CLSPN: variants seen among roughly 807,000 people sequenced by gnomAD.
CLSPN encodes claspin homolog.
CLSPN carries 85 observed loss-of-function variants against 156.3 expected under a neutral mutation model. The observed-to-expected ratio is 0.54, with a 90% CI of 0.46 to 0.65. CLSPN has a LOEUF of 0.65. Among genes scored for constraint, CLSPN ranks in the 30% least tolerant of loss-of-function variants. CLSPN has a pLI of 0.00. For missense variants in CLSPN, 1,407 were observed against 1,554.9 expected, an observed-to-expected ratio of 0.90 and a Z score of 1.60; for synonymous variants, 534 against 542.4, an observed-to-expected ratio of 0.98 and a Z score of 0.22.
At chr1:35,748,641 C>A (rs910819247) in intron 12 of CLSPN, 37 bp from the exon 13 acceptor site, 3 of 1,549,670 alleles carry the variant, frequency 1.9e-6, no homozygotes, top group Middle Eastern at 1.7e-4. Context: ...CACATGATTA[C>A]AGAAATAAGG....
chr1:35,738,795 G>A (rs1294910465), intron 20 of CLSPN, among the ~76,000 whole-genome samples: 4 of 130,056 alleles, frequency 3.1e-5, no homozygotes, highest in Admixed American at 1.9e-4. Context: ...CATTGTAACT[G>A]TTTGCTTTTT....
At chr1:35,753,971 C>A in intron 8 of CLSPN, 35 bp from the exon 9 acceptor site, 1 of 1,601,614 alleles carries the variant, frequency 6.2e-7, no homozygotes, top group Non-Finnish European at 8.5e-7. Flanking sequence ...GTCAGTTTGC[C>A]ATGCTCAAAA....
rs1408088206 is a variant in CLSPN at position 35,749,890 on chromosome 1, T to C, written c.2029-79A>G. 6.1e-6 allele frequency: 9 copies of C among 1,468,234 alleles called. No homozygotes were observed. In the Admixed American group the frequency reaches 6.9e-5, roughly 11 times the overall value. 91.0% of individuals were successfully genotyped at this position (1,468,234 alleles called of 1,614,324 possible). A position where few individuals can be genotyped will look rare whatever the true frequency, so the allele number is the denominator to read the frequency against. ...GCAAATACACTGGTAGCCTGAAATA[T>C]GGCTGATTGGTTACAGATCACATCT... On this transcript the variant is annotated intron_variant, in intron 10 of 24. Transcript: ENST00000318121.
chr1:35,728,096 T>C (rs1161887434), downstream of CLSPN, among the ~76,000 whole-genome samples: 1 of 150,534 alleles, frequency 6.6e-6, no homozygotes, highest in African/African-American at 2.4e-5. Context: ...TTTTTTTTTT[T>C]TTCTTTTGAG....
intron 8 of CLSPN, among the ~76,000 whole-genome samples, chr1:35,760,097 G>A (rs1642421914): frequency 6.6e-6 from 1 of 152,148 alleles, no homozygotes; most frequent in Non-Finnish European, 1.5e-5. Flanking sequence ...CTCCCAAAGT[G>A]CTGGGATTAC....
chr1:35,734,338 T>C lies in CLSPN; in HGVS notation c.*2158A>G. On this transcript the variant is annotated 3_prime_UTR_variant, in exon 25 of 25. Transcript: ENST00000318121. ...ATTTTCCCCATTATAAGATTACAAG[T>C]ATACAAACATAAGTATTGTCAAAGT... 1 of 985,268 alleles carries C rather than the reference T, an allele frequency of 1.0e-6. No homozygotes were observed. Among genetic ancestry groups the C allele is most frequent in the African/African-American group, 1.7e-5 (1 of 57,346 alleles). The allele number at this position is 985,268 out of a possible 1,614,324, so 61.0% of individuals were successfully genotyped here. A position where few individuals can be genotyped will look rare whatever the true frequency, so the allele number is the denominator to read the frequency against.
At chr1:35,743,632 T>C (rs553800842) in intron 16 of CLSPN, 102 bp from the exon 17 acceptor site, 15 of 865,682 alleles carry the variant, frequency 1.7e-5, no homozygotes, top group African/African-American at 1.4e-4. Flanking sequence ...TGTTAATTTT[T>C]TTTTTTTCTC....
At position 35,748,456 on chromosome 1, in the gene CLSPN, T is replaced by G. The variant is rs372304142; in HGVS notation, c.2421A>C (p.Arg807Ser). 1 of 1,614,124 alleles carries G rather than the reference T, an allele frequency of 6.2e-7. No individual in the cohort carries two copies. Among genetic ancestry groups the G allele is most frequent in the Admixed American group, 1.7e-5 (1 of 60,016 alleles). Residue 807 changes from arginine (R) to serine (S), a missense_variant, in exon 13 of 25, where the codon AGA becomes AGC. By Grantham distance (110) the Arg-to-Ser change is moderately radical (BLOSUM62 -1). This residue lies in a region of CLSPN where 1,096 missense variants were observed against 1,193.0 expected (regional missense o/e 0.92). Coordinates refer to ENST00000318121, the MANE Select transcript of CLSPN (RefSeq NM_022111.4). ...CTCGAAATAGCCCAGGGGAAGGAGA[T>G]CTGAATCCTCCTGCTGTAGGGAAAA... ...TSFFPTAGGF[R>S]SPSPGLFRAS...
chr1:35,766,816 A>G (rs1386415139), intron 1 of CLSPN, among the ~76,000 whole-genome samples: 1 of 145,622 alleles, frequency 6.9e-6, no homozygotes, highest in African/African-American at 2.6e-5. Flanking sequence ...GTGCAATGGC[A>G]CGATCTTGGC....
chr1:35,768,295 G>C (rs1642739555), intron 1 of CLSPN, among the ~76,000 whole-genome samples: 1 of 152,078 alleles, frequency 6.6e-6, no homozygotes, highest in South Asian at 2.1e-4. Context: ...TTGAATCCAG[G>C]AGACAGAAGT....
intron 5 of CLSPN, 112 bp downstream of exon 5, chr1:35,762,292 A>G (rs1219457639): frequency 6.1e-6 from 6 of 990,232 alleles, no homozygotes; most frequent in Non-Finnish European, 9.2e-6. Context: ...ACAAAGCAAT[A>G]TGATGGGTAA....
chr1:35,752,903 C>G (rs1009736725), intron 9 of CLSPN, among the ~76,000 whole-genome samples: 1 of 152,112 alleles, frequency 6.6e-6, no homozygotes, highest in Non-Finnish European at 1.5e-5. Flanking sequence ...TAAAGACATA[C>G]AAGAAATTGT....
intron 4 of CLSPN, 149 bp from the exon 5 acceptor site, chr1:35,762,630 C>A: frequency 3.1e-6 from 2 of 641,698 alleles, no homozygotes. Context: ...CACACAGCAT[C>A]CTATTATGCT....
intron 8 of CLSPN, 130 bp downstream of exon 8, chr1:35,760,212 G>A (rs986577283): frequency 4.4e-6 from 3 of 683,856 alleles, no homozygotes; most frequent in African/African-American, 1.8e-5. Flanking sequence ...GCCCATATCT[G>A]GAACAACTGC....
chr1:35,728,071 CACA>C (rs1200615318), downstream of CLSPN, among the ~76,000 whole-genome samples: 1 of 144,884 alleles, frequency 6.9e-6, no homozygotes, highest in Non-Finnish European at 1.5e-5. Flanking sequence ...GTAACAAAAC[CACA>C]AGCTTTTTTT....
intron 8 of CLSPN, among the ~76,000 whole-genome samples, chr1:35,754,767 G>A (rs935311422): frequency 6.6e-6 from 1 of 152,102 alleles, no homozygotes; most frequent in African/African-American, 2.4e-5. Context: ...GGTGAAAACT[G>A]TTACACTAGT....
intron 5 of CLSPN, 129 bp downstream of exon 5, chr1:35,762,275 A>G: frequency 1.1e-6 from 1 of 874,026 alleles, no homozygotes; most frequent in Non-Finnish European, 1.8e-6. Flanking sequence ...TTTTGTTCCT[A>G]CTATGTACAA....
At chr1:35,729,663 C>G (rs941031963), downstream of CLSPN, among the ~76,000 whole-genome samples, 4 of 152,164 alleles carry the variant, frequency 2.6e-5, no homozygotes, top group African/African-American at 9.7e-5. Flanking sequence ...GGCATACACA[C>G]AGGCCTCCAT....
chr1:35,764,536 G>A lies in CLSPN; in HGVS notation c.312C>T (p.Tyr104=), dbSNP rs756383595. ...AGKNTKIKRI[Y]KTVADSDESY... Reference sequence around the variant, plus strand: ...TTTCATCACTGTCTGCCACAGTTTTGTAAATCCTTTTGATTTTTGTATTTT... The same window carrying A: ...TTTCATCACTGTCTGCCACAGTTTTATAAATCCTTTTGATTTTTGTATTTT... The change falls in exon 3 of 25, where the codon TAC becomes TAT. Residue 104 remains tyrosine, a synonymous_variant. Coordinates refer to ENST00000318121, the MANE Select transcript of CLSPN (RefSeq NM_022111.4). 1 of 1,613,794 alleles carries A rather than the reference G, an allele frequency of 6.2e-7. No individual in the cohort carries two copies. The highest frequency in any genetic ancestry group is 1.1e-5 in the South Asian group (1 of 91,064).
Sources: gnomAD v4.1 joint callset for allele counts (sites outside exome capture counted in the v4.1 genomes callset) on GRCh38, gnomAD v4.1.1 for gene constraint, gnomAD v4.1.1 regional missense constraint, MANE v1.5 for transcripts, NCBI Gene and HGNC (gene_info 2026-07-23, HGNC 2026-07-21) for gene names.